SH3BGR: variants seen among roughly 807,000 people sequenced by gnomAD.
SH3BGR encodes the protein SH3 domain binding glutamate rich protein.
SH3BGR carries 29 observed loss-of-function variants against 24.5 expected under a neutral mutation model. The ratio of observed to expected loss-of-function variants is 1.18; its 90% CI spans 0.88 to 1.61. SH3BGR has a LOEUF of 1.61. Among genes scored for constraint, SH3BGR ranks in the 40% most tolerant of loss-of-function variants. The probability of loss-of-function intolerance (pLI) is 0.00; values close to 1 mark genes in which losing one functional copy is unlikely to be tolerated. For synonymous variants in SH3BGR, 55 were observed against 65.7 expected (o/e 0.84, Z 0.79); for missense variants, 162 against 205.8 (o/e 0.79, Z 1.30).
At chr21:39,459,135 GTTGA>G (rs1474867285) in intron 1 of SH3BGR, among the ~76,000 whole-genome samples, 1 of 151,666 alleles carries the variant, frequency 6.6e-6, no homozygotes, top group Admixed American at 6.6e-5. Context: ...ATAAATAACT[GTTGA>G]TTGATTATTT....
intron 1 of SH3BGR, among the ~76,000 whole-genome samples, chr21:39,457,714 T>C (rs1399190257): frequency 2.6e-5 from 4 of 151,856 alleles, no homozygotes; most frequent in African/African-American, 4.8e-5. Flanking sequence ...GGTGGATCAC[T>C]TGAGCCCAGG....
intron 4 of SH3BGR, among the ~76,000 whole-genome samples, chr21:39,502,096 C>T (rs886307587): frequency 3.9e-5 from 6 of 152,178 alleles, no homozygotes; most frequent in Non-Finnish European, 7.3e-5. Flanking sequence ...TCGCTTGAAC[C>T]CGGGAGGCAG....
chr21:39,464,002 A>G (rs771411813), intron 2 of SH3BGR, among the ~76,000 whole-genome samples: 9 of 152,128 alleles, frequency 5.9e-5, no homozygotes, highest in Non-Finnish European at 1.2e-4. Context: ...AATTCGTTCT[A>G]TGCTTCTTTC....
chr21:39,466,725 T>G (rs372154318), intron 2 of SH3BGR, among the ~76,000 whole-genome samples: 6 of 152,304 alleles, frequency 3.9e-5, no homozygotes, highest in African/African-American at 1.4e-4. Flanking sequence ...GAGAACAGCA[T>G]GAGGGAACCA....
intron 2 of SH3BGR, among the ~76,000 whole-genome samples, chr21:39,472,856 T>G (rs2077964224): frequency 6.6e-6 from 1 of 152,130 alleles, no homozygotes; most frequent in Non-Finnish European, 1.5e-5. Context: ...TCCCCCTTTT[T>G]CCTCTTCAGT....
chr21:39,448,593 G>T (rs1602051409), upstream of SH3BGR, among the ~76,000 whole-genome samples: 1 of 152,162 alleles, frequency 6.6e-6, no homozygotes, highest in Non-Finnish European at 1.5e-5. Flanking sequence ...GGGAGGCTGA[G>T]GCAGGAGATG....
intron 3 of SH3BGR, among the ~76,000 whole-genome samples, chr21:39,484,821 C>A (rs1190471659): frequency 6.6e-6 from 1 of 152,154 alleles, no homozygotes; most frequent in Non-Finnish European, 1.5e-5. Flanking sequence ...TGCGCAGGGA[C>A]AGAGTACTTC....
At chr21:39,453,929 A>G (rs1192948582) in intron 1 of SH3BGR, among the ~76,000 whole-genome samples, 1 of 152,220 alleles carries the variant, frequency 6.6e-6, no homozygotes, top group East Asian at 1.9e-4. Context: ...ATTAGTTAAT[A>G]TTAGTTGCTA....
Position 39,474,258 on chromosome 21 carries a change from G to A in SH3BGR, c.232-877G>A, listed in dbSNP as rs115494192. On this transcript the variant is annotated intron_variant, in intron 2 of 6. Transcript: ENST00000333634. ...TGAGATTAGAGGCATGAGCCACCAC[G>A]CCTGGCTGGTTTTAAGCTTTTTGAA... 3.6e-3 allele frequency among the ~76,000 whole-genome samples: 550 copies of A among 152,252 alleles called. 6 individuals carry two copies. The highest frequency in any genetic ancestry group is 0.013 in the African/African-American group (535 of 41,544).
rs75803111 is a variant in SH3BGR at position 39,511,638 on chromosome 21, C to A, written c.436-42C>A. 3.1e-3 allele frequency: 4,984 copies of A among 1,597,568 alleles called. 142 individuals carry two copies. The African/African-American group carries it at 0.06, about 19-fold the overall frequency. On this transcript the variant is annotated intron_variant, in intron 5 of 6. Coordinates refer to ENST00000333634, the MANE Select transcript of SH3BGR (RefSeq NM_007341.3). This position sits in a 1 kb window ranked among gnomAD's most constrained non-coding sequence, Gnocchi z 4.2. Reference sequence around the variant, plus strand: ...GTCTTTTTCTCACTGTATCCTTGGCCCTTATGCTTCTTAATACTAATGTAA... The same window carrying A: ...GTCTTTTTCTCACTGTATCCTTGGCACTTATGCTTCTTAATACTAATGTAA...
chr21:39,448,615 T>C (rs1468493387), upstream of SH3BGR, among the ~76,000 whole-genome samples: 1 of 151,556 alleles, frequency 6.6e-6, no homozygotes, highest in South Asian at 2.1e-4. Context: ...ATGTGGGAGG[T>C]GGAGGTTGCA....
At chr21:39,489,637 T>C (rs1416282574) in intron 3 of SH3BGR, among the ~76,000 whole-genome samples, 1 of 152,222 alleles carries the variant, frequency 6.6e-6, no homozygotes, top group African/African-American at 2.4e-5. Flanking sequence ...GAAGTTTAGA[T>C]ACTGGCAGTC....
intron 4 of SH3BGR, among the ~76,000 whole-genome samples, chr21:39,507,329 ATATT>A (rs936231227): frequency 6.6e-6 from 1 of 151,834 alleles, no homozygotes; most frequent in African/African-American, 2.4e-5. Flanking sequence ...GCCTTCTGTG[ATATT>A]TATTTATTTA....
intron 2 of SH3BGR, among the ~76,000 whole-genome samples, chr21:39,467,653 A>G (rs2077865973): frequency 6.6e-6 from 1 of 152,338 alleles, no homozygotes; most frequent in South Asian, 2.1e-4. Flanking sequence ...TTTCTACATG[A>G]TTAAAATGTA....
intron 2 of SH3BGR, 34 bp from the exon 3 acceptor site, chr21:39,475,101 A>G (rs2078005963): frequency 7.7e-7 from 1 of 1,303,118 alleles, no homozygotes; most frequent in Non-Finnish European, 1.1e-6. Flanking sequence ...ACAAGTGTGC[A>G]GTAGTTTTAA....
intron 4 of SH3BGR, among the ~76,000 whole-genome samples, chr21:39,504,200 A>G (rs2078543732): frequency 2.0e-5 from 3 of 152,198 alleles, no homozygotes; most frequent in Non-Finnish European, 4.4e-5. Context: ...TATGGTCTGT[A>G]ACCACCCCTC....
intron 4 of SH3BGR, among the ~76,000 whole-genome samples, chr21:39,505,097 G>GTCA (rs2078560402): frequency 6.6e-6 from 1 of 152,168 alleles, no homozygotes; most frequent in Non-Finnish European, 1.5e-5. Context: ...ACAGGCATGT[G>GTCA]CCACCACGCC....
At chr21:39,499,255 C>CATCTATCTATCTATCT (rs111762804) in intron 3 of SH3BGR, among the ~76,000 whole-genome samples, 3,698 of 151,184 alleles carry the variant, frequency 0.024, 66 homozygotes, top group Non-Finnish European at 0.034. Context: ...ACCTATCTAT[C>CATCTATCTATCTATCT]ATCTGTCTAT....
In SH3BGR at chr21:39,495,653, A is replaced by G. The variant is rs568286020; in HGVS notation, c.313-4170A>G. Among the ~76,000 whole-genome samples the G allele has an allele frequency of 8.6e-5, 13 of 151,660 alleles. No individual in the cohort carries two copies. The East Asian group carries it at 9.7e-4, about 11-fold the overall frequency. ...CATCACCATGCCTTGCTAATAAAAA[A>G]ATTTTTTTTTGTAGAGGAAGGATCT... is the stretch of plus-strand genomic sequence containing the variant. On this transcript the variant is annotated intron_variant, in intron 3 of 6. Coordinates refer to ENST00000333634, the MANE Select transcript of SH3BGR (RefSeq NM_007341.3).
Sources: allele counts gnomAD v4.1 joint callset (sites outside exome capture counted in the v4.1 genomes callset), GRCh38; gene constraint gnomAD v4.1.1; non-coding constraint Gnocchi (gnomAD v3.1); transcripts MANE v1.5; gene names NCBI Gene and HGNC (gene_info 2026-07-23, HGNC 2026-07-21).